The following GRAMD2B variants were observed in gnomAD, a reference collection of about 807,000 sequenced individuals.
GRAMD2B encodes GRAM domain-containing protein 2B.
Under a neutral mutation model 59.2 loss-of-function variants are expected in GRAMD2B, and 41 were observed. The ratio of observed to expected loss-of-function variants is 0.69; its 90% confidence interval spans 0.54 to 0.90. The LOEUF (loss-of-function observed/expected upper bound fraction) is 0.90, where lower values mean the gene tolerates loss of function less well. GRAMD2B is among the 40% of genes least tolerant of loss of function. GRAMD2B has a pLI of 0.00. For synonymous variants in GRAMD2B, 161 were observed against 182.7 expected (o/e 0.88, Z 0.96); for missense variants, 424 against 500.5 (o/e 0.85, Z 1.46).
intron 11 of GRAMD2B, 111 bp downstream of exon 11, chr5:126,485,884 AC>A (rs1772817191): frequency 1.5e-6 from 1 of 645,774 alleles, no homozygotes; most frequent in Non-Finnish European, 2.5e-6. Context: ...CTGAAATGTG[AC>A]CTACATCTTT....
At chr5:126,410,428 G>A (rs1377190089) in intron 1 of GRAMD2B, among the ~76,000 whole-genome samples, 2 of 151,404 alleles carry the variant, frequency 1.3e-5, no homozygotes, top group African/African-American at 4.9e-5. Context: ...TGGATTCCTA[G>A]GTATTTTATT....
At chr5:126,399,760 A>C (rs552275222) in intron 1 of GRAMD2B, among the ~76,000 whole-genome samples, 1 of 152,276 alleles carries the variant, frequency 6.6e-6, no homozygotes, top group Non-Finnish European at 1.5e-5. Context: ...ACAGTTTTAC[A>C]TTTAAAATCT....
At chr5:126,393,927 G>T (rs1168196429) in intron 1 of GRAMD2B, among the ~76,000 whole-genome samples, 1 of 152,052 alleles carries the variant, frequency 6.6e-6, no homozygotes, top group African/African-American at 2.4e-5. Context: ...GTGCTCAGAA[G>T]GGACCATATG....
chr5:126,491,044 T>C (rs1161793118), intron 13 of GRAMD2B, among the ~76,000 whole-genome samples: 2 of 152,166 alleles, frequency 1.3e-5, no homozygotes, highest in East Asian at 1.9e-4. Flanking sequence ...CTGGATCTCA[T>C]TGTGGTTTTT....
At chr5:126,475,103 A>G (rs1383200792) in intron 5 of GRAMD2B, among the ~76,000 whole-genome samples, 1 of 152,210 alleles carries the variant, frequency 6.6e-6, no homozygotes, top group Non-Finnish European at 1.5e-5. Flanking sequence ...TTTACCCTGG[A>G]AAAATGTTAC....
chr5:126,433,105 C>T (rs1449762803), intron 1 of GRAMD2B, among the ~76,000 whole-genome samples: 1 of 152,122 alleles, frequency 6.6e-6, no homozygotes, highest in East Asian at 1.9e-4. Context: ...TTTTGAGATT[C>T]GATCTTCTTT....
chr5:126,370,845 G>A (rs937451804), upstream of GRAMD2B, among the ~76,000 whole-genome samples: 2 of 152,172 alleles, frequency 1.3e-5, no homozygotes, highest in African/African-American at 4.8e-5. Flanking sequence ...CCTGAATATT[G>A]AGACTCCCTT....
chr5:126,454,416 T>C (rs1312715011), intron 1 of GRAMD2B, among the ~76,000 whole-genome samples: 1 of 152,198 alleles, frequency 6.6e-6, no homozygotes, highest in Non-Finnish European at 1.5e-5. Context: ...CTGTTGACTT[T>C]GTCTTAAAGC....
upstream of GRAMD2B, chr5:126,423,274 G>C (rs1759950536): frequency 8.7e-7 from 1 of 1,152,792 alleles, no homozygotes; most frequent in Non-Finnish European, 1.1e-6. Context: ...TGGCCAATTA[G>C]CTTCCTCTCC....
In GRAMD2B at chr5:126,493,078, A is replaced by T. The variant is rs900131081; in HGVS notation, c.*122A>T. 1.4e-6 allele frequency: 1 copy of T among 707,014 alleles called. No individual in the cohort carries two copies. Among genetic ancestry groups the T allele is most frequent in the Admixed American group, 2.5e-5 (1 of 40,356 alleles). 43.8% of individuals were successfully genotyped at this position (707,014 alleles called of 1,614,324 possible). ...GGTGCAAGCAGATGAGAATCCAGAC[A>T]TTGCATGTGGAGGTCTCCAGCTCAG... On this transcript the variant is annotated 3_prime_UTR_variant, in exon 14 of 14. Coordinates refer to ENST00000285689, the MANE Select transcript of GRAMD2B (RefSeq NM_023927.4).
At chr5:126,453,898 A>G (rs932881199) in intron 1 of GRAMD2B, among the ~76,000 whole-genome samples, 1 of 152,244 alleles carries the variant, frequency 6.6e-6, no homozygotes, top group Admixed American at 6.5e-5. Flanking sequence ...CCTTTTTAAA[A>G]TGCTAATTGT....
intron 13 of GRAMD2B, chr5:126,490,184 G>A (rs185926334): frequency 1.1e-4 from 16 of 152,174 alleles, no homozygotes; most frequent in Admixed American, 3.3e-4. Flanking sequence ...GAAGATAAAC[G>A]ATTTTTTTTA....
At chr5:126,446,325 T>C (rs1383923604) in intron 1 of GRAMD2B, among the ~76,000 whole-genome samples, 2 of 152,178 alleles carry the variant, frequency 1.3e-5, no homozygotes, top group Non-Finnish European at 2.9e-5. Flanking sequence ...TGAAACAAGA[T>C]TGCCTTGTTT....
chr5:126,383,555 T>C (rs1755841627), intron 1 of GRAMD2B, among the ~76,000 whole-genome samples: 1 of 152,178 alleles, frequency 6.6e-6, no homozygotes, highest in South Asian at 2.1e-4. Flanking sequence ...TTCACTGTGG[T>C]AGATGGATTA....
intron 1 of GRAMD2B, among the ~76,000 whole-genome samples, chr5:126,429,185 C>T (rs926722904): frequency 6.6e-6 from 1 of 152,162 alleles, no homozygotes; most frequent in Non-Finnish European, 1.5e-5. Flanking sequence ...GGTATATATA[C>T]ACCATGGAAT....
At chr5:126,476,421 G>C (rs1470902188) in intron 5 of GRAMD2B, among the ~76,000 whole-genome samples, 2 of 152,176 alleles carry the variant, frequency 1.3e-5, no homozygotes, top group Admixed American at 1.3e-4. Flanking sequence ...TTTTACCATG[G>C]CTGTGCGTGA....
intron 1 of GRAMD2B, among the ~76,000 whole-genome samples, chr5:126,412,937 T>A (rs1470808626): frequency 6.6e-6 from 1 of 152,062 alleles, no homozygotes; most frequent in Non-Finnish European, 1.5e-5. Context: ...TGCATTTCTG[T>A]GGGATAGATT....
intron 1 of GRAMD2B, among the ~76,000 whole-genome samples, chr5:126,439,535 A>G (rs1043745617): frequency 4.5e-4 from 69 of 152,096 alleles, no homozygotes; most frequent in Non-Finnish European, 5.6e-4. Context: ...CATGTTCACC[A>G]GGCTGATCTT....
chr5:126,463,090 G>A (rs529591204), intron 1 of GRAMD2B, among the ~76,000 whole-genome samples: 3 of 152,322 alleles, frequency 2.0e-5, no homozygotes, highest in South Asian at 4.1e-4. Context: ...AAGAGGAGCT[G>A]AAATCTAGCC....
Sources: gnomAD v4.1 joint callset for allele counts (sites outside exome capture counted in the v4.1 genomes callset) on GRCh38, gnomAD v4.1.1 for gene constraint, MANE v1.5 for transcripts, NCBI Gene and HGNC (gene_info 2026-07-23, HGNC 2026-07-21) for gene names.